The following FTO variants were observed in gnomAD, a reference collection of about 807,000 sequenced individuals.
FTO encodes alpha-ketoglutarate-dependent dioxygenase FTO.
Under a neutral mutation model 63.9 loss-of-function variants are expected in FTO, and 47 were observed. That is an observed-to-expected ratio of 0.74 (90% CI 0.58 to 0.94). The LOEUF (loss-of-function observed/expected upper bound fraction) is 0.94. Among genes scored for constraint, FTO ranks in the 40% least tolerant of loss-of-function variants. FTO has a pLI of 0.00. For missense variants in FTO, 562 were observed against 618.1 expected, an observed-to-expected ratio of 0.91 and a Z score of 0.96; for synonymous variants, 207 against 224.4, an observed-to-expected ratio of 0.92 and a Z score of 0.69.
intron 3 of FTO, among the ~76,000 whole-genome samples, chr16:53,833,074 G>C (rs775621812): frequency 3.3e-5 from 5 of 152,094 alleles, no homozygotes; most frequent in Admixed American, 2.6e-4. Context: ...TCATGAGGCC[G>C]GTCTTTCCCG....
intron 8 of FTO, among the ~76,000 whole-genome samples, chr16:54,098,290 C>G (rs1174222531): frequency 6.6e-6 from 1 of 152,154 alleles, no homozygotes; most frequent in Non-Finnish European, 1.5e-5. Context: ...AGTTCCCTAC[C>G]CTAAGTGACC....
chr16:53,791,866 G>A (rs2077923219), intron 1 of FTO, among the ~76,000 whole-genome samples: 1 of 152,118 alleles, frequency 6.6e-6, no homozygotes, highest in Non-Finnish European at 1.5e-5. Flanking sequence ...GAGGTCAGGA[G>A]ATCGAGACCA....
At chr16:53,813,304 C>T (rs2078585983) in intron 2 of FTO, among the ~76,000 whole-genome samples, 1 of 151,958 alleles carries the variant, frequency 6.6e-6, no homozygotes, top group Admixed American at 6.6e-5. Flanking sequence ...CTCTGCCTCC[C>T]AGATTCAAGC....
chr16:54,014,573 C>G (rs1451679404), intron 8 of FTO, among the ~76,000 whole-genome samples: 2 of 152,074 alleles, frequency 1.3e-5, no homozygotes, highest in African/African-American at 2.4e-5. Flanking sequence ...ATTACCCAGC[C>G]TCGGGTGTTC....
At chr16:53,895,709 G>A (rs1401785887) in intron 7 of FTO, among the ~76,000 whole-genome samples, 1 of 152,164 alleles carries the variant, frequency 6.6e-6, no homozygotes, top group Non-Finnish European at 1.5e-5. Context: ...TGAGAGTTGA[G>A]CTTTACTGGT....
chr16:54,088,572 A>G (rs967232997), intron 8 of FTO, among the ~76,000 whole-genome samples: 1 of 152,226 alleles, frequency 6.6e-6, no homozygotes, highest in African/African-American at 2.4e-5. Context: ...TGGTAAGGAC[A>G]AAAACAACTA....
At chr16:53,744,285 G>T (rs957968350) in intron 1 of FTO, among the ~76,000 whole-genome samples, 2 of 152,170 alleles carry the variant, frequency 1.3e-5, no homozygotes, top group Non-Finnish European at 2.9e-5. Context: ...CCTAGGCCTA[G>T]GGTTTTCTTT....
rs1054289439 is a variant in FTO at position 53,824,429 on chromosome 16, C to T, written c.124-1435C>T. On this transcript the variant is annotated intron_variant, in intron 2 of 8. Coordinates refer to ENST00000471389, the MANE Select transcript of FTO (RefSeq NM_001080432.3). ...TTCCTGAAGATCTCAGCTTAAATCC[C>T]GTCTCCTTAGAGAATTCTTCCTGTT... Among the ~76,000 whole-genome samples the T allele has an allele frequency of 1.1e-4, 16 of 152,262 alleles. 1 individual carries two copies. Among genetic ancestry groups the T allele is most frequent in the Middle Eastern group, 3.4e-3 (1 of 294 alleles).
intron 2 of FTO, among the ~76,000 whole-genome samples, chr16:53,817,378 A>G (rs1459014431): frequency 6.6e-6 from 1 of 152,180 alleles, no homozygotes; most frequent in Non-Finnish European, 1.5e-5. Context: ...TAGTCATCGG[A>G]TGGCTGCCAA....
intron 4 of FTO, among the ~76,000 whole-genome samples, chr16:53,845,978 AT>A (rs1334643470): frequency 6.6e-6 from 1 of 152,246 alleles, no homozygotes; most frequent in African/African-American, 2.4e-5. Flanking sequence ...CCATGTGAAC[AT>A]TGCTTTGCAG....
At chr16:53,915,216 G>C (rs1240623739) in intron 7 of FTO, among the ~76,000 whole-genome samples, 1 of 152,138 alleles carries the variant, frequency 6.6e-6, no homozygotes. Context: ...CCTTTCTGCT[G>C]TCAGTGTTTA....
intron 8 of FTO, among the ~76,000 whole-genome samples, chr16:54,001,712 T>C (rs1226737289): frequency 1.3e-5 from 2 of 152,170 alleles, no homozygotes; most frequent in Non-Finnish European, 2.9e-5. Context: ...ATAAAATTCA[T>C]TGGATTTTGT....
At chr16:54,081,896 C>T (rs1410754821) in intron 8 of FTO, among the ~76,000 whole-genome samples, 1 of 152,184 alleles carries the variant, frequency 6.6e-6, no homozygotes, top group East Asian at 1.9e-4. Flanking sequence ...ACAGAGATGT[C>T]ACGTGGCTCT....
At chr16:53,754,015 G>A (rs550695936) in intron 1 of FTO, among the ~76,000 whole-genome samples, 4 of 152,234 alleles carry the variant, frequency 2.6e-5, no homozygotes, top group Admixed American at 1.3e-4. Context: ...TGCCTGTATC[G>A]TTAGAGAACG....
Position 54,115,027 on chromosome 16 carries a change from A to G in FTO, c.*3112A>G, listed in dbSNP as rs2086965054. ...CAGCTGGTGCGGGCAATGACAATGA[A>G]CTCGTATCCTGCAGGGTCAAAGGAA... On this transcript the variant is annotated 3_prime_UTR_variant, in exon 9 of 9. Coordinates refer to ENST00000471389, the MANE Select transcript of FTO (RefSeq NM_001080432.3). The G allele has an allele frequency of 6.6e-6, 1 of 152,184 alleles. No individual in the cohort carries two copies. The highest frequency in any genetic ancestry group is 2.4e-5 in the African/African-American group (1 of 41,420). 9.4% of individuals were successfully genotyped at this position (152,184 alleles called of 1,614,324 possible).
At chr16:54,014,304 A>G (rs2144097467) in intron 8 of FTO, among the ~76,000 whole-genome samples, 1 of 152,284 alleles carries the variant, frequency 6.6e-6, no homozygotes, top group African/African-American at 2.4e-5. Flanking sequence ...CCTCATGGAC[A>G]ACTTGGTTCT....
chr16:54,035,554 C>A (rs2084926032), intron 8 of FTO, among the ~76,000 whole-genome samples: 1 of 152,140 alleles, frequency 6.6e-6, no homozygotes, highest in Non-Finnish European at 1.5e-5. Context: ...CTTGGAGGAA[C>A]TCATTGACAT....
At chr16:53,937,397 G>T (rs1335263855) in intron 8 of FTO, 1 of 395,870 alleles carries the variant, frequency 2.5e-6, no homozygotes, top group African/African-American at 2.1e-5. Flanking sequence ...AAAGAACTGG[G>T]CGAGCCCTCT....
At chr16:53,713,829 C>T (rs1291933708) in intron 1 of FTO, among the ~76,000 whole-genome samples, 1 of 152,172 alleles carries the variant, frequency 6.6e-6, no homozygotes, top group Non-Finnish European at 1.5e-5. Flanking sequence ...AGATCTCTGG[C>T]ACTGATTCAT....
Sources: gnomAD v4.1 joint callset for allele counts (sites outside exome capture counted in the v4.1 genomes callset) on GRCh38, gnomAD v4.1.1 for gene constraint, MANE v1.5 for transcripts, NCBI Gene and HGNC (gene_info 2026-07-23, HGNC 2026-07-21) for gene names.